Variants in KCNH1 observed in about 807,000 individuals in gnomAD.
KCNH1 encodes voltage-gated delayed rectifier potassium channel KCNH1.
KCNH1 carries 27 observed loss-of-function variants against 69.2 expected under a neutral mutation model. The observed-to-expected ratio is 0.39, with a 90% CI of 0.29 to 0.54. The LOEUF is 0.54. Among genes scored for constraint, KCNH1 ranks in the 20% least tolerant of loss-of-function variants. The pLI is 0.68. For synonymous variants in KCNH1, 456 were observed against 487.7 expected (o/e 0.93, Z 0.86); for missense variants, 798 against 1,261.6 (o/e 0.63, Z 5.57).
At chr1:210,869,861 G>A (rs558135712) in intron 7 of KCNH1, among the ~76,000 whole-genome samples, 3 of 152,094 alleles carry the variant, frequency 2.0e-5, no homozygotes, top group African/African-American at 7.2e-5. Flanking sequence ...ACAGATACCT[G>A]GTAGTTCTTT....
At chr1:210,802,002 T>A (rs1271390061) in intron 8 of KCNH1, among the ~76,000 whole-genome samples, 1 of 152,208 alleles carries the variant, frequency 6.6e-6, no homozygotes, top group Admixed American at 6.5e-5. Context: ...TGCCATTCTT[T>A]ACACTGTGAC....
chr1:210,686,006 A>T (rs970943492), intron 10 of KCNH1, among the ~76,000 whole-genome samples: 3 of 152,154 alleles, frequency 2.0e-5, no homozygotes, highest in African/African-American at 7.2e-5. Flanking sequence ...TCTTCCAGCT[A>T]TTACCTGGGT....
intron 6 of KCNH1, among the ~76,000 whole-genome samples, chr1:210,980,787 C>A (rs886478870): frequency 2.6e-5 from 4 of 151,166 alleles, no homozygotes; most frequent in African/African-American, 9.7e-5. Context: ...AAATAAGAAG[C>A]TATGAGATGG....
At chr1:211,049,326 T>A (rs1224062792) in intron 5 of KCNH1, among the ~76,000 whole-genome samples, 1 of 152,222 alleles carries the variant, frequency 6.6e-6, no homozygotes, top group Non-Finnish European at 1.5e-5. Context: ...TGTCAAGATC[T>A]CCATTAAAGG....
chr1:210,797,863 T>G (rs1020677019), intron 8 of KCNH1, 103 bp from the exon 9 acceptor site: 2 of 1,324,926 alleles, frequency 1.5e-6, no homozygotes, highest in Non-Finnish European at 2.1e-6. Flanking sequence ...TACGCCAGAC[T>G]GCACTCTTCT....
chr1:210,825,170 T>C (rs1213847141), intron 7 of KCNH1, among the ~76,000 whole-genome samples: 1 of 152,154 alleles, frequency 6.6e-6, no homozygotes, highest in Non-Finnish European at 1.5e-5. Context: ...TGAATAACCA[T>C]AGTTTGAGAG....
rs145124445 is a variant in KCNH1 at position 210,871,533 on chromosome 1, C to T, written c.1462+48107G>A. The stretch of plus-strand genomic sequence containing the variant: ...TCTAGAACTAGAAATACCATTTGAC[C>T]CAGCCACCCCATTACTGGGTATATA... On this transcript the variant is annotated intron_variant, in intron 7 of 10. Transcript: ENST00000271751. Among the ~76,000 whole-genome samples the T allele has an allele frequency of 8.6e-3, 1,311 of 152,158 alleles. 18 individuals are homozygous for T. The highest frequency in any genetic ancestry group is 0.03 in the African/African-American group (1,258 of 41,514).
At chr1:211,125,162 C>T (rs1691754853) in intron 1 of KCNH1, among the ~76,000 whole-genome samples, 1 of 152,214 alleles carries the variant, frequency 6.6e-6, no homozygotes, top group Admixed American at 6.5e-5. Context: ...ATAAGGACTA[C>T]AACCTCTCTC....
chr1:210,796,152 C>G (rs1305471332), intron 9 of KCNH1, among the ~76,000 whole-genome samples: 2 of 62,066 alleles, frequency 3.2e-5, no homozygotes, highest in Admixed American at 1.5e-4. Context: ...AAGATTCCGT[C>G]TCAAAAAAAA....
chr1:210,813,226 T>C (rs1005365569), intron 7 of KCNH1, among the ~76,000 whole-genome samples: 2 of 152,222 alleles, frequency 1.3e-5, no homozygotes, highest in Non-Finnish European at 2.9e-5. Context: ...ATTAAAAGAC[T>C]GCTGCCTTTT....
At chr1:210,907,373 T>C (rs1443878458) in intron 7 of KCNH1, among the ~76,000 whole-genome samples, 2 of 152,160 alleles carry the variant, frequency 1.3e-5, no homozygotes, top group Non-Finnish European at 2.9e-5. Flanking sequence ...AGAAATGTGA[T>C]TTCTCCATAT....
chr1:210,971,167 G>C (rs77812062), intron 6 of KCNH1, among the ~76,000 whole-genome samples: 11,960 of 151,928 alleles, frequency 0.079, 667 homozygotes, highest in South Asian at 0.18. Context: ...TTTCCAGGCT[G>C]GTCTCAAACT....
At chr1:210,995,070 A>G (rs1425212599) in intron 6 of KCNH1, among the ~76,000 whole-genome samples, 1 of 152,198 alleles carries the variant, frequency 6.6e-6, no homozygotes, top group African/African-American at 2.4e-5. Flanking sequence ...AAGAATCTCT[A>G]TTTTGGTGGG....
At chr1:210,808,309 T>C (rs1684628882) in intron 7 of KCNH1, among the ~76,000 whole-genome samples, 1 of 152,038 alleles carries the variant, frequency 6.6e-6, no homozygotes, top group Non-Finnish European at 1.5e-5. Context: ...TTACACCAAA[T>C]CAATATAGTA....
chr1:210,825,927 T>A (rs1685022721), intron 7 of KCNH1, among the ~76,000 whole-genome samples: 1 of 152,222 alleles, frequency 6.6e-6, no homozygotes, highest in African/African-American at 2.4e-5. Flanking sequence ...AGGAGTATTC[T>A]GTGTTAATCA....
chr1:210,809,378 G>T (rs111299392), intron 7 of KCNH1, among the ~76,000 whole-genome samples: 52 of 152,084 alleles, frequency 3.4e-4, no homozygotes, highest in Non-Finnish European at 5.9e-4. Context: ...GTTCTGACAG[G>T]CTGGGAAGCA....
At chr1:211,096,679 A>T (rs1691161736) in intron 3 of KCNH1, among the ~76,000 whole-genome samples, 1 of 152,192 alleles carries the variant, frequency 6.6e-6, no homozygotes, top group South Asian at 2.1e-4. Flanking sequence ...AAGACGTCAA[A>T]CCGCTCCCTC....
chr1:211,047,978 A>T (rs1047067512), intron 5 of KCNH1, among the ~76,000 whole-genome samples: 1 of 152,182 alleles, frequency 6.6e-6, no homozygotes, highest in Non-Finnish European at 1.5e-5. Context: ...AATGTGAAAA[A>T]AATGAAAACA....
At chr1:210,789,818 A>T (rs1451077498) in intron 9 of KCNH1, among the ~76,000 whole-genome samples, 1 of 152,240 alleles carries the variant, frequency 6.6e-6, no homozygotes, top group Non-Finnish European at 1.5e-5. Context: ...CATTTTAAAA[A>T]TTGTATTTTA....
Sources: gnomAD v4.1 joint callset for allele counts (sites outside exome capture counted in the v4.1 genomes callset) on GRCh38, gnomAD v4.1.1 for gene constraint, MANE v1.5 for transcripts, NCBI Gene and HGNC (gene_info 2026-07-23, HGNC 2026-07-21) for gene names.